The following LRRTM4 variants were observed in gnomAD, a reference collection of about 807,000 sequenced individuals.
LRRTM4 encodes leucine-rich repeat transmembrane neuronal protein 4.
In LRRTM4, 25 loss-of-function variants were observed where a neutral mutation model predicts 47.6. The ratio of observed to expected loss-of-function variants is 0.53; its 90% CI spans 0.38 to 0.73. The LOEUF is 0.73. Among genes scored for constraint, LRRTM4 ranks in the 30% least tolerant of loss-of-function variants. The pLI is 0.00. For synonymous variants in LRRTM4, 311 were observed against 269.5 expected (o/e 1.15, Z -1.51); for missense variants, 638 against 713.4 (o/e 0.89, Z 1.20).
At chr2:77,264,297 A>C (rs1675993955) in intron 3 of LRRTM4, among the ~76,000 whole-genome samples, 1 of 152,104 alleles carries the variant, frequency 6.6e-6, no homozygotes, top group Admixed American at 6.6e-5. Context: ...TTATGCACTA[A>C]GAAAGCGAGA....
intron 3 of LRRTM4, among the ~76,000 whole-genome samples, chr2:77,033,716 C>A (rs1002659907): frequency 2.0e-5 from 3 of 151,828 alleles, no homozygotes; most frequent in East Asian, 1.9e-4. Flanking sequence ...TTCATTTATA[C>A]GTCAGTTAAT....
chr2:77,055,203 T>C (rs1679562401), intron 3 of LRRTM4, among the ~76,000 whole-genome samples: 1 of 152,054 alleles, frequency 6.6e-6, no homozygotes, highest in African/African-American at 2.4e-5. Flanking sequence ...TCCATCCACC[T>C]CCCTGGGCTG....
At chr2:77,492,396 C>G (rs182544852) in intron 3 of LRRTM4, among the ~76,000 whole-genome samples, 6 of 152,172 alleles carry the variant, frequency 3.9e-5, no homozygotes, top group African/African-American at 1.4e-4. Flanking sequence ...AGTATCTGGA[C>G]TACAAGCACA....
At chr2:77,076,935 T>C (rs1680356745) in intron 3 of LRRTM4, among the ~76,000 whole-genome samples, 1 of 152,134 alleles carries the variant, frequency 6.6e-6, no homozygotes, top group African/African-American at 2.4e-5. Flanking sequence ...TCCCCTGTAT[T>C]TCCCCTAGCA....
At chr2:76,915,566 C>T (rs1426601044) in intron 3 of LRRTM4, among the ~76,000 whole-genome samples, 2 of 152,120 alleles carry the variant, frequency 1.3e-5, no homozygotes, top group Non-Finnish European at 2.9e-5. Context: ...CTACCTTTGT[C>T]ACTTAAGTAA....
In LRRTM4 at chr2:77,292,289, T is replaced by C. The variant is rs375276229; in HGVS notation, c.1551+226029A>G. Among the ~76,000 whole-genome samples the C allele has an allele frequency of 3.1e-4, 47 of 149,694 alleles. No homozygotes were observed. The East Asian group carries it at 6.9e-3, about 22-fold the overall frequency. ...TCAACCATTGTGGAAGTCAGTGTGGTGATTCCTCAGGGATCTAGAACTAGA... is the reference window on the plus strand; with the variant it reads ...TCAACCATTGTGGAAGTCAGTGTGGCGATTCCTCAGGGATCTAGAACTAGA... On this transcript the variant is annotated intron_variant, in intron 3 of 3. Transcript: ENST00000409884.
At chr2:77,049,515 G>C (rs1442319950) in intron 3 of LRRTM4, among the ~76,000 whole-genome samples, 1 of 151,680 alleles carries the variant, frequency 6.6e-6, no homozygotes, top group African/African-American at 2.4e-5. Flanking sequence ...ATCTCATTCT[G>C]ATTTTGATTG....
chr2:76,748,591 C>T lies in LRRTM4; in HGVS notation c.*104G>A. On this transcript the variant is annotated 3_prime_UTR_variant, in exon 4 of 4. Transcript: ENST00000409884. ...TATGCCATAAATGTTTTAACAGGAACGATGAGCTTGCTCGATTGCGCGATT... is the reference window on the plus strand; with the variant it reads ...TATGCCATAAATGTTTTAACAGGAATGATGAGCTTGCTCGATTGCGCGATT... 3.3e-6 allele frequency: 3 copies of T among 918,706 alleles called. No individual in the cohort carries two copies. The highest frequency in any genetic ancestry group is 1.6e-5 in the African/African-American group (1 of 61,002). The allele number at this position is 918,706 out of a possible 1,614,324, so 56.9% of individuals were successfully genotyped here.
intron 3 of LRRTM4, among the ~76,000 whole-genome samples, chr2:77,053,975 TAAAAA>T (rs1011902872): frequency 2.0e-5 from 3 of 150,888 alleles, no homozygotes; most frequent in African/African-American, 7.3e-5. Flanking sequence ...CTTAGTGACT[TAAAAA>T]AAAAGCTTTC....
chr2:77,360,542 A>ATAC (rs1558706339), intron 3 of LRRTM4, among the ~76,000 whole-genome samples: 3 of 138,922 alleles, frequency 2.2e-5, no homozygotes, highest in African/African-American at 5.6e-5. Context: ...GATACAATAC[A>ATAC]ATCATTCATA....
intron 3 of LRRTM4, among the ~76,000 whole-genome samples, chr2:77,478,577 T>C (rs779429289): frequency 8.5e-5 from 13 of 152,246 alleles, no homozygotes; most frequent in Admixed American, 1.3e-4. Flanking sequence ...TTTTACACTT[T>C]CCACAAGCTC....
chr2:76,786,919 T>C (rs1674702901), intron 3 of LRRTM4, among the ~76,000 whole-genome samples: 1 of 152,118 alleles, frequency 6.6e-6, no homozygotes, highest in African/African-American at 2.4e-5. Context: ...TTTGACACTC[T>C]GATTGGCTGA....
At position 77,445,596 on chromosome 2, in the gene LRRTM4, A is replaced by G. The variant is rs140980060; in HGVS notation, c.1551+72722T>C. 9.3e-4 allele frequency among the ~76,000 whole-genome samples: 141 copies of G among 152,158 alleles called. 1 individual carries two copies. The highest frequency in any genetic ancestry group is 1.5e-3 in the Non-Finnish European group (99 of 67,950). ...CAGTTTTCTCCTTTACTAAGCATCA[A>G]TGAAGCACATTTGGAAATAAGCTTA... On this transcript the variant is annotated intron_variant, in intron 3 of 3. Transcript: ENST00000409884.
intron 3 of LRRTM4, among the ~76,000 whole-genome samples, chr2:77,196,456 G>T (rs1365974242): frequency 6.6e-6 from 1 of 152,156 alleles, no homozygotes. Context: ...ACTTTAGGCA[G>T]TTCACCATGG....
intron 3 of LRRTM4, among the ~76,000 whole-genome samples, chr2:77,233,640 T>C (rs1345454306): frequency 1.3e-5 from 2 of 152,230 alleles, no homozygotes; most frequent in Non-Finnish European, 2.9e-5. Flanking sequence ...ACTAATAACT[T>C]GCTATATAGT....
chr2:76,994,341 A>T (rs1476521690), intron 3 of LRRTM4, among the ~76,000 whole-genome samples: 2 of 151,980 alleles, frequency 1.3e-5, no homozygotes, highest in African/African-American at 4.8e-5. Context: ...AAATACAATG[A>T]TGGTGAATCC....
At chr2:77,284,681 C>T (rs1008722361) in intron 3 of LRRTM4, among the ~76,000 whole-genome samples, 26 of 152,152 alleles carry the variant, frequency 1.7e-4, no homozygotes, top group African/African-American at 4.3e-4. Context: ...GAGTTAAAAA[C>T]GTAATTTATT....
At chr2:76,970,165 T>C (rs2103937611) in intron 3 of LRRTM4, among the ~76,000 whole-genome samples, 1 of 152,060 alleles carries the variant, frequency 6.6e-6, no homozygotes, top group South Asian at 2.1e-4. Context: ...GTAAAATGGT[T>C]CCAAAAACAG....
intron 3 of LRRTM4, among the ~76,000 whole-genome samples, chr2:77,368,990 C>T (rs1176392647): frequency 1.3e-5 from 2 of 151,694 alleles, no homozygotes; most frequent in Non-Finnish European, 3.0e-5. Flanking sequence ...TTTCTCCACA[C>T]CCTCACCAAC....
Sources: gnomAD v4.1 joint callset for allele counts (sites outside exome capture counted in the v4.1 genomes callset) on GRCh38, gnomAD v4.1.1 for gene constraint, MANE v1.5 for transcripts, NCBI Gene and HGNC (gene_info 2026-07-23, HGNC 2026-07-21) for gene names.